SEC14L1: variants seen among roughly 807,000 people sequenced by gnomAD.
SEC14L1 encodes the protein SEC14-like protein 1.
In SEC14L1, 48 loss-of-function variants were observed where a neutral mutation model predicts 85.3. That is an observed-to-expected ratio of 0.56 (90% CI 0.45 to 0.72). The LOEUF (loss-of-function observed/expected upper bound fraction) is 0.72. Among genes scored for constraint, SEC14L1 ranks in the 30% least tolerant of loss-of-function variants. The pLI, the probability that SEC14L1 is intolerant of heterozygous loss-of-function variation, is 0.00. For missense variants in SEC14L1, 682 were observed against 921.4 expected, an observed-to-expected ratio of 0.74 and a Z score of 3.36; for synonymous variants, 391 against 355.5, an observed-to-expected ratio of 1.10 and a Z score of -1.12.
At position 77,145,123 on chromosome 17, in the gene SEC14L1, GTGTGTGTGTGTGTA is replaced by G. The variant is rs995000959; in HGVS notation, c.63+1466_63+1479del. 7.7e-5 allele frequency: 9 copies of G among 116,782 alleles called. No individual in the cohort carries two copies. The South Asian group carries it at 1.2e-3, about 16-fold the overall frequency. The allele number at this position is 116,782 out of a possible 1,614,324, so 7.2% of individuals were successfully genotyped here. A position where few individuals can be genotyped will look rare whatever the true frequency, so the allele number is the denominator to read the frequency against. ...TATGTGTGTGTGTGTGTGTGTGTGT[GTGTGTGTGTGTGTA>G]TATATACACATATATATTTGTTTTG... On this transcript the variant is annotated intron_variant, in intron 3 of 16. Coordinates refer to ENST00000436233, the MANE Select transcript of SEC14L1 (RefSeq NM_001143998.2).
intron 1 of SEC14L1, chr17:77,141,358 C>T (rs1279140533): frequency 7.1e-6 from 1 of 141,386 alleles, no homozygotes; most frequent in African/African-American, 2.6e-5. Context: ...ACCCCCACCT[C>T]GCCAGGCTTC....
intron 3 of SEC14L1, among the ~76,000 whole-genome samples, chr17:77,180,067 T>C (rs1598353838): frequency 7.0e-6 from 1 of 142,910 alleles, no homozygotes; most frequent in Admixed American, 7.0e-5. Flanking sequence ...TGTTATGTTA[T>C]GTTATGTTAT....
chr17:77,202,154 C>A (rs562839251), intron 9 of SEC14L1, among the ~76,000 whole-genome samples: 5 of 152,140 alleles, frequency 3.3e-5, no homozygotes, highest in African/African-American at 1.2e-4. Context: ...GAGTTAGGCT[C>A]CTCTCAGGCG....
At chr17:77,127,314 A>C (rs1012496615) in intron 3 of SEC14L1, among the ~76,000 whole-genome samples, 7 of 151,922 alleles carry the variant, frequency 4.6e-5, no homozygotes, top group African/African-American at 1.7e-4. Flanking sequence ...AAGGACATGA[A>C]CTCATTCCTT....
At chr17:77,155,286 C>T (rs1020862747) in intron 3 of SEC14L1, among the ~76,000 whole-genome samples, 2 of 152,112 alleles carry the variant, frequency 1.3e-5, no homozygotes, top group East Asian at 1.9e-4. Flanking sequence ...CTCTTGCCTG[C>T]GCAAAAAACA....
chr17:77,207,538 G>A (rs576345735), intron 13 of SEC14L1, among the ~76,000 whole-genome samples: 4 of 151,882 alleles, frequency 2.6e-5, no homozygotes, highest in Admixed American at 6.6e-5. Flanking sequence ...TGCAGCCTCC[G>A]CCTCCCAGAT....
Position 77,215,521 on chromosome 17 carries a change from G to T in SEC14L1, c.*1498G>T. Reference sequence around the variant, plus strand: ...GCTGTGTGGAGGCCATGTGTGCCCCGTGCAGGGATCAGGAGGGCGGGGGAG... The same window carrying T: ...GCTGTGTGGAGGCCATGTGTGCCCCTTGCAGGGATCAGGAGGGCGGGGGAG... On this transcript the variant is annotated 3_prime_UTR_variant, in exon 17 of 17. Transcript: ENST00000436233. 1 of 986,374 alleles carries T rather than the reference G, an allele frequency of 1.0e-6. No individual in the cohort carries two copies. The highest frequency in any genetic ancestry group is 1.2e-6 in the Non-Finnish European group (1 of 830,442). The allele number at this position is 986,374 out of a possible 1,614,324, so 61.1% of individuals were successfully genotyped here. A position where few individuals can be genotyped will look rare whatever the true frequency, so the allele number is the denominator to read the frequency against.
chr17:77,194,741 G>A lies in SEC14L1; in HGVS notation c.539G>A (p.Arg180His). ...LEEEGITFVP[R>H]WSPPSITTSS... ...GAAGAAGGCATAACCTTTGTGCCCCGTTGGAGTCCGCCTTCCATCACGACC... is the reference window on the plus strand; with the variant it reads ...GAAGAAGGCATAACCTTTGTGCCCCATTGGAGTCCGCCTTCCATCACGACC... Residue 180 changes from arginine to histidine, a missense_variant, in exon 7 of 17, where the codon CGT becomes CAT. By Grantham distance (29) the Arg-to-His change is conservative. Transcript: ENST00000436233. 14 of 1,614,182 alleles carry A rather than the reference G, an allele frequency of 8.7e-6. No homozygotes were observed. The highest frequency in any genetic ancestry group is 2.2e-5 in the South Asian group (2 of 91,086).
At chr17:77,160,682 G>A (rs1162931495) in intron 3 of SEC14L1, among the ~76,000 whole-genome samples, 1 of 152,080 alleles carries the variant, frequency 6.6e-6, no homozygotes, top group African/African-American at 2.4e-5. Flanking sequence ...TTTCTAACTA[G>A]TGTCTTTATA....
At chr17:77,179,841 A>T (rs773616112) in intron 3 of SEC14L1, among the ~76,000 whole-genome samples, 3 of 149,924 alleles carry the variant, frequency 2.0e-5, no homozygotes, top group Non-Finnish European at 4.5e-5. Flanking sequence ...CGCCCGGCTA[A>T]TTTTTTTTTG....
At chr17:77,175,818 A>G (rs1329775389) in intron 3 of SEC14L1, among the ~76,000 whole-genome samples, 1 of 152,196 alleles carries the variant, frequency 6.6e-6, no homozygotes, top group Non-Finnish European at 1.5e-5. Flanking sequence ...AGCCTAATAC[A>G]GGAAAACTTA....
At chr17:77,182,019 C>T (rs139241233) in intron 3 of SEC14L1, among the ~76,000 whole-genome samples, 249 of 152,044 alleles carry the variant, frequency 1.6e-3, no homozygotes, top group Non-Finnish European at 3.1e-3. Flanking sequence ...AGTTAGTTGT[C>T]TTACTTACTG....
chr17:77,179,349 C>T (rs375167404), intron 3 of SEC14L1, among the ~76,000 whole-genome samples: 7 of 152,114 alleles, frequency 4.6e-5, no homozygotes, highest in Non-Finnish European at 8.8e-5. Flanking sequence ...TGTTTTGGTG[C>T]GTGGCATGTG....
At chr17:77,165,875 G>A (rs944310906) in intron 3 of SEC14L1, among the ~76,000 whole-genome samples, 1 of 152,092 alleles carries the variant, frequency 6.6e-6, no homozygotes, top group Non-Finnish European at 1.5e-5. Flanking sequence ...GTGAACACAT[G>A]GATTTTATTT....
intron 3 of SEC14L1, among the ~76,000 whole-genome samples, chr17:77,120,761 G>A (rs544331166): frequency 6.6e-6 from 1 of 152,328 alleles, no homozygotes; most frequent in South Asian, 2.1e-4. Flanking sequence ...ACAGGCGTGA[G>A]CCACTGCGAC....
At chr17:77,151,839 AAAAAC>A (rs1973573131) in intron 3 of SEC14L1, among the ~76,000 whole-genome samples, 1 of 152,072 alleles carries the variant, frequency 6.6e-6, no homozygotes, top group Admixed American at 6.5e-5. Flanking sequence ...CCTGTCTCTA[AAAAAC>A]AAAACAAACT....
intron 3 of SEC14L1, among the ~76,000 whole-genome samples, chr17:77,133,705 G>A (rs954350467): frequency 3.3e-5 from 5 of 152,054 alleles, no homozygotes; most frequent in African/African-American, 7.2e-5. Context: ...TTGGGAGGCC[G>A]AGGCGGGTGG....
intron 9 of SEC14L1, among the ~76,000 whole-genome samples, chr17:77,201,370 G>A (rs947813719): frequency 2.6e-5 from 4 of 152,072 alleles, no homozygotes; most frequent in East Asian, 1.9e-4. Flanking sequence ...TTGCAGAACC[G>A]AGCAGCTCAG....
chr17:77,212,264 T>C (rs1976796098), intron 15 of SEC14L1, 63 bp downstream of exon 15: 2 of 1,583,348 alleles, frequency 1.3e-6, no homozygotes, highest in Non-Finnish European at 1.7e-6. Context: ...GATTCTGTCT[T>C]GAGTAGACTC....
Sources: gnomAD v4.1 joint callset for allele counts (sites outside exome capture counted in the v4.1 genomes callset) on GRCh38, gnomAD v4.1.1 for gene constraint, MANE v1.5 for transcripts, NCBI Gene and HGNC (gene_info 2026-07-23, HGNC 2026-07-21) for gene names.